The following DIS3L2 variants were observed in gnomAD, a reference collection of about 807,000 sequenced individuals.
The protein encoded by DIS3L2 is DIS3-like exonuclease 2.
DIS3L2 carries 34 observed loss-of-function variants against 97.5 expected under a neutral mutation model. The ratio of observed to expected loss-of-function variants is 0.35; its 90% confidence interval spans 0.27 to 0.46. The LOEUF is 0.46. Among genes scored for constraint, DIS3L2 ranks in the 20% least tolerant of loss-of-function variants. The pLI, the probability that DIS3L2 is intolerant of heterozygous loss-of-function variation, is 1.00. For synonymous variants in DIS3L2, 435 were observed against 445.2 expected (o/e 0.98, Z 0.29); for missense variants, 1,038 against 1,146.0 (o/e 0.91, Z 1.36).
chr2:232,208,412 A>G (rs916403839), intron 9 of DIS3L2, among the ~76,000 whole-genome samples: 2 of 151,992 alleles, frequency 1.3e-5, no homozygotes, highest in African/African-American at 2.4e-5. Flanking sequence ...CCGGGTTCAA[A>G]CAATTTTCCT....
intron 1 of DIS3L2, among the ~76,000 whole-genome samples, chr2:231,984,553 ATTT>A (rs780406388): frequency 1.4e-5 from 2 of 140,186 alleles, no homozygotes; most frequent in African/African-American, 5.2e-5. Context: ...CGCCCGGCTA[ATTT>A]TTTTTTTTTT....
chr2:232,225,649 CT>C (rs1692624626), intron 10 of DIS3L2, among the ~76,000 whole-genome samples: 2 of 152,062 alleles, frequency 1.3e-5, no homozygotes, highest in Non-Finnish European at 2.9e-5. Context: ...TGGTGGTTAC[CT>C]AAGTATATTT....
At chr2:232,060,726 A>C (rs993622273) in intron 5 of DIS3L2, among the ~76,000 whole-genome samples, 6 of 152,154 alleles carry the variant, frequency 3.9e-5, no homozygotes, top group Admixed American at 2.6e-4. Flanking sequence ...ATTGCATTGA[A>C]TCTATAGATT....
chr2:232,134,681 C>T (rs944181436), intron 7 of DIS3L2, among the ~76,000 whole-genome samples: 8 of 152,042 alleles, frequency 5.3e-5, no homozygotes, highest in Non-Finnish European at 1.2e-4. Flanking sequence ...AAAAATTAGC[C>T]AGGCGTGGTG....
chr2:232,169,702 G>A (rs1282015107), intron 9 of DIS3L2, among the ~76,000 whole-genome samples: 1 of 152,142 alleles, frequency 6.6e-6, no homozygotes, highest in African/African-American at 2.4e-5. Context: ...GGGTCATCCT[G>A]CCTCAGAGCC....
chr2:232,282,503 A>G (rs1182205158), intron 13 of DIS3L2, among the ~76,000 whole-genome samples: 1 of 152,228 alleles, frequency 6.6e-6, no homozygotes, highest in East Asian at 1.9e-4. Context: ...CAAAGGCTCA[A>G]AGTCGAGTGC....
chr2:231,965,303 T>C (rs775689533), intron 1 of DIS3L2, among the ~76,000 whole-genome samples: 1 of 152,178 alleles, frequency 6.6e-6, no homozygotes, highest in Non-Finnish European at 1.5e-5. Context: ...GTATCAGGAA[T>C]TACCAAAAAC....
chr2:232,338,149 A>C (rs978285693), downstream of DIS3L2, among the ~76,000 whole-genome samples: 3 of 151,214 alleles, frequency 2.0e-5, no homozygotes, highest in Non-Finnish European at 4.4e-5. Flanking sequence ...AGAGCCCCAA[A>C]CAGGAAGGAC....
chr2:232,270,860 G>GTCCGTCTCTC (rs1491319157), intron 13 of DIS3L2, among the ~76,000 whole-genome samples: 2 of 103,874 alleles, frequency 1.9e-5, no homozygotes, highest in South Asian at 8.0e-4. Context: ...TCTTTTTCTC[G>GTCCGTCTCTC]TCTCTCTCTC....
chr2:232,222,366 T>G (rs921223293), intron 10 of DIS3L2, among the ~76,000 whole-genome samples: 10 of 152,240 alleles, frequency 6.6e-5, no homozygotes, highest in African/African-American at 2.4e-4. Context: ...ATTTTTGTAG[T>G]AGGGCCCTTG....
intron 14 of DIS3L2, among the ~76,000 whole-genome samples, chr2:232,303,041 T>G (rs1326486195): frequency 6.6e-6 from 1 of 152,220 alleles, no homozygotes; most frequent in African/African-American, 2.4e-5. Flanking sequence ...AGAATGCCCA[T>G]AGGAAGTGCT....
At position 232,292,469 on chromosome 2, in the gene DIS3L2, C is replaced by G. The variant is rs1313150251; in HGVS notation, c.1660-7571C>G. Among the ~76,000 whole-genome samples the G allele has an allele frequency of 1.3e-5, 2 of 152,216 alleles. No individual in the cohort carries two copies. Among genetic ancestry groups the G allele is most frequent in the Non-Finnish European group, 2.9e-5 (2 of 68,034 alleles). ...GGGCCTCTCAAAGGCCCAACAACCC[C>G]AACAGGGCCTGCATCCCATGTTCCC... On this transcript the variant is annotated intron_variant, in intron 13 of 20. Coordinates refer to ENST00000325385, the MANE Select transcript of DIS3L2 (RefSeq NM_152383.5). The surrounding 1 kb of genome is among the most constrained non-coding windows in gnomAD (Gnocchi z 4.4).
chr2:232,330,883 G>C, intron 16 of DIS3L2, 107 bp downstream of exon 16: 1 of 1,182,544 alleles, frequency 8.5e-7, no homozygotes, highest in Non-Finnish European at 1.2e-6. Flanking sequence ...GCCTGCTCTG[G>C]ACATGGCTGG....
chr2:232,132,293 T>A (rs1007828451), intron 7 of DIS3L2, among the ~76,000 whole-genome samples: 1 of 152,216 alleles, frequency 6.6e-6, no homozygotes, highest in Non-Finnish European at 1.5e-5. Flanking sequence ...TAACATTATA[T>A]GAATTGCAAG....
At chr2:232,134,868 TGC>T (rs764550096) in intron 7 of DIS3L2, among the ~76,000 whole-genome samples, 1 of 145,256 alleles carries the variant, frequency 6.9e-6, no homozygotes, top group African/African-American at 2.6e-5. Flanking sequence ...GTATTGTGTG[TGC>T]GCACACACAC....
At chr2:232,236,683 C>G (rs1692941140) in intron 10 of DIS3L2, among the ~76,000 whole-genome samples, 1 of 152,164 alleles carries the variant, frequency 6.6e-6, no homozygotes, top group African/African-American at 2.4e-5. Flanking sequence ...AAATTCAGCA[C>G]TATGCTTGTA....
At chr2:232,271,724 C>T (rs143491754) in intron 13 of DIS3L2, among the ~76,000 whole-genome samples, 6 of 152,214 alleles carry the variant, frequency 3.9e-5, no homozygotes, top group Admixed American at 2.6e-4. Flanking sequence ...GGACAGCCTC[C>T]GTGGAAGAGA....
intron 1 of DIS3L2, among the ~76,000 whole-genome samples, chr2:232,002,509 A>AT (rs546303855): frequency 6.0e-4 from 92 of 152,176 alleles, no homozygotes; most frequent in Non-Finnish European, 1.1e-3. Flanking sequence ...ATATCTTTCC[A>AT]TTTTTTGGTG....
chr2:232,279,254 T>C (rs776791077), intron 13 of DIS3L2, among the ~76,000 whole-genome samples: 3 of 152,206 alleles, frequency 2.0e-5, no homozygotes, highest in Non-Finnish European at 2.9e-5. Context: ...CTATTTCTTA[T>C]GTGCTTGTCA....
Sources: allele counts gnomAD v4.1 joint callset (sites outside exome capture counted in the v4.1 genomes callset), GRCh38; gene constraint gnomAD v4.1.1; non-coding constraint Gnocchi (gnomAD v3.1); transcripts MANE v1.5; gene names NCBI Gene and HGNC (gene_info 2026-07-23, HGNC 2026-07-21).